The following CSMD1 variants were observed in gnomAD, a reference collection of about 807,000 sequenced individuals.
CSMD1 encodes the protein CUB and sushi domain-containing protein 1.
Under a neutral mutation model 417.5 loss-of-function variants are expected in CSMD1, and 213 were observed. The ratio of observed to expected loss-of-function variants is 0.51; its 90% CI spans 0.46 to 0.57. The LOEUF is 0.57. Among genes scored for constraint, CSMD1 ranks in the 20% least tolerant of loss-of-function variants. The pLI is 0.00. For missense variants in CSMD1, 6,923 were observed against 4,529.7 expected (o/e 1.53, Z -15.17); for synonymous variants, 2,862 against 1,736.8 (o/e 1.65, Z -16.11).
intron 1 of CSMD1, among the ~76,000 whole-genome samples, chr8:4,714,961 T>A (rs1016530010): frequency 6.6e-6 from 1 of 152,230 alleles, no homozygotes; most frequent in African/African-American, 2.4e-5. Context: ...GCTGTTTTTG[T>A]AAAATTAGAC....
At chr8:3,888,826 T>A (rs1806745456) in intron 5 of CSMD1, among the ~76,000 whole-genome samples, 1 of 152,156 alleles carries the variant, frequency 6.6e-6, no homozygotes, top group South Asian at 2.1e-4. Flanking sequence ...AAGGTACTAT[T>A]CTAGAAAATG....
chr8:4,126,259 C>A (rs1019748563), intron 3 of CSMD1, among the ~76,000 whole-genome samples: 1 of 152,106 alleles, frequency 6.6e-6, no homozygotes, highest in Admixed American at 6.5e-5. Context: ...CCCACACGAC[C>A]GGCTCTGCAT....
chr8:4,361,910 A>T (rs895363637), intron 3 of CSMD1, among the ~76,000 whole-genome samples: 1 of 151,978 alleles, frequency 6.6e-6, no homozygotes, highest in Admixed American at 6.6e-5. Flanking sequence ...AGGCGAGTTC[A>T]CTCCACTGCA....
At chr8:3,279,356 G>C (rs933262939) in intron 26 of CSMD1, among the ~76,000 whole-genome samples, 6 of 152,178 alleles carry the variant, frequency 3.9e-5, no homozygotes, top group Admixed American at 1.3e-4. Flanking sequence ...ACTGGTATTG[G>C]ACTTCTTGTC....
intron 3 of CSMD1, among the ~76,000 whole-genome samples, chr8:4,155,924 G>A (rs1360507968): frequency 6.6e-6 from 1 of 152,148 alleles, no homozygotes; most frequent in Admixed American, 6.5e-5. Flanking sequence ...TTTGAGGAAT[G>A]CACAGCCCAG....
At chr8:4,155,418 G>C (rs1229049478) in intron 3 of CSMD1, among the ~76,000 whole-genome samples, 2 of 152,160 alleles carry the variant, frequency 1.3e-5, no homozygotes, top group Non-Finnish European at 2.9e-5. Context: ...ATCAGAACTT[G>C]CCTCTGTTTG....
rs989039571 is a variant in CSMD1 at position 3,096,919 on chromosome 8, G to T, written c.7068C>A (p.Asn2356Lys). ...TCSWSIKVEP[N>K]YNITIFVDTF... ...TGTCCACAAAGATGGTAATGTTGTAGTTTGGTTCCACTTTAATACTCCAAG... is the reference window on the plus strand; with the variant it reads ...TGTCCACAAAGATGGTAATGTTGTATTTTGGTTCCACTTTAATACTCCAAG... Residue 2356 changes from asparagine to lysine, a missense_variant, in exon 47 of 70, where the codon AAC (asparagine) becomes AAA (lysine). By Grantham distance (94) the Asn-to-Lys change is moderately conservative. Coordinates refer to ENST00000635120, the MANE Select transcript of CSMD1 (RefSeq NM_033225.6). 2 of 1,556,824 alleles carry T rather than the reference G, an allele frequency of 1.3e-6. No individual in the cohort carries two copies.
intron 3 of CSMD1, among the ~76,000 whole-genome samples, chr8:4,183,888 G>A (rs1476058063): frequency 1.3e-5 from 2 of 152,088 alleles, no homozygotes; most frequent in Non-Finnish European, 2.9e-5. Context: ...TGGGGCATGT[G>A]GACAGTTTGG....
chr8:4,787,319 C>G (rs1585097407), intron 1 of CSMD1: 3 of 719,672 alleles, frequency 4.2e-6, no homozygotes, highest in Non-Finnish European at 7.6e-6. Flanking sequence ...CAGCCCTCAG[C>G]CCACTCAGGA....
intron 3 of CSMD1, among the ~76,000 whole-genome samples, chr8:4,133,920 G>C (rs956554260): frequency 6.6e-6 from 1 of 152,108 alleles, no homozygotes; most frequent in Non-Finnish European, 1.5e-5. Flanking sequence ...CAGGGAAACA[G>C]AATAAAATCT....
chr8:4,970,992 T>C (rs1810205417), intron 1 of CSMD1, among the ~76,000 whole-genome samples: 1 of 152,160 alleles, frequency 6.6e-6, no homozygotes, highest in African/African-American at 2.4e-5. Context: ...GTGTTATTTA[T>C]GGTCCTTTGT....
At chr8:4,252,683 A>G (rs1201393265) in intron 3 of CSMD1, among the ~76,000 whole-genome samples, 1 of 152,232 alleles carries the variant, frequency 6.6e-6, no homozygotes, top group Non-Finnish European at 1.5e-5. Context: ...GGAGTTAACC[A>G]GTGAAATGCT....
At chr8:4,832,327 C>T (rs751599852) in intron 1 of CSMD1, among the ~76,000 whole-genome samples, 12 of 152,214 alleles carry the variant, frequency 7.9e-5, no homozygotes, top group Middle Eastern at 3.4e-3. Flanking sequence ...CAGATTCTTA[C>T]GGAGATGCAA....
intron 3 of CSMD1, among the ~76,000 whole-genome samples, chr8:4,339,559 A>C (rs1320581039): frequency 6.6e-6 from 1 of 152,122 alleles, no homozygotes; most frequent in East Asian, 1.9e-4. Context: ...AATCTTTCAT[A>C]AATAACTTTC....
chr8:3,874,005 G>C lies in CSMD1; in HGVS notation c.819-119963C>G, dbSNP rs143218800. Among the ~76,000 whole-genome samples the C allele has an allele frequency of 2.5e-3, 385 of 152,296 alleles. 1 individual carries two copies. Among genetic ancestry groups the C allele is most frequent in the Admixed American group, 3.8e-3 (58 of 15,306 alleles). ...TAGGTCTGTTTATACACACTGTGCGGCTGTAGAACTTCTCTGTCAAATTAG... is the reference window on the plus strand; with the variant it reads ...TAGGTCTGTTTATACACACTGTGCGCCTGTAGAACTTCTCTGTCAAATTAG... On this transcript the variant is annotated intron_variant, in intron 5 of 69. Transcript: ENST00000635120.
chr8:3,679,994 A>C (rs1156666607), intron 7 of CSMD1, among the ~76,000 whole-genome samples: 4 of 152,212 alleles, frequency 2.6e-5, no homozygotes, highest in Non-Finnish European at 1.5e-5. Flanking sequence ...CAACGAGAAC[A>C]AAGACACAAC....
At chr8:4,886,895 T>A (rs1019428654) in intron 1 of CSMD1, among the ~76,000 whole-genome samples, 1 of 152,064 alleles carries the variant, frequency 6.6e-6, no homozygotes, top group African/African-American at 2.4e-5. Context: ...TATTTAAGAC[T>A]TTTTAAAAAT....
intron 2 of CSMD1, among the ~76,000 whole-genome samples, chr8:4,557,946 G>C (rs1798169579): frequency 6.6e-6 from 1 of 152,078 alleles, no homozygotes; most frequent in Admixed American, 6.6e-5. Flanking sequence ...ATATTTTTCA[G>C]GAAGCTGATA....
At chr8:4,621,950 C>G (rs531456861) in intron 2 of CSMD1, among the ~76,000 whole-genome samples, 1 of 151,702 alleles carries the variant, frequency 6.6e-6, no homozygotes, top group South Asian at 2.1e-4. Flanking sequence ...TTAATTGATG[C>G]CAAAATCATA....
Sources: gnomAD v4.1 joint callset for allele counts (sites outside exome capture counted in the v4.1 genomes callset) on GRCh38, gnomAD v4.1.1 for gene constraint, MANE v1.5 for transcripts, NCBI Gene and HGNC (gene_info 2026-07-23, HGNC 2026-07-21) for gene names.